The following ALX4 variants were observed in gnomAD, a reference collection of about 807,000 sequenced individuals.
ALX4 encodes the protein homeobox protein aristaless-like 4.
A neutral mutation model predicts 40.6 loss-of-function variants in ALX4; 22 were observed. That is an observed-to-expected ratio of 0.54 (90% CI 0.39 to 0.77). ALX4 has a LOEUF of 0.77. Ranked by LOEUF, ALX4 falls within the 30% of genes least tolerant of loss-of-function variation. The pLI is 0.00. For synonymous variants in ALX4, 266 were observed against 240.5 expected (o/e 1.11, Z -0.98); for missense variants, 556 against 564.8 (o/e 0.98, Z 0.16).
At position 44,278,055 on chromosome 11, in the gene ALX4, A is replaced by G. The variant is rs1956287992; in HGVS notation, c.467-2397T>C. Among the ~76,000 whole-genome samples the G allele has an allele frequency of 2.6e-5, 4 of 151,562 alleles. No homozygotes were observed. The South Asian group carries it at 8.4e-4, about 32-fold the overall frequency. ...AGAAACCCCACCCAGCCTCACAAAA[A>G]TAACCATCCCTGTTTTGCAACTTCC... On this transcript the variant is annotated intron_variant, in intron 1 of 3. Coordinates refer to ENST00000652299, the MANE Select transcript of ALX4 (RefSeq NM_021926.4).
chr11:44,277,819 T>G (rs1223315828), intron 1 of ALX4, among the ~76,000 whole-genome samples: 1 of 152,188 alleles, frequency 6.6e-6, no homozygotes, highest in Non-Finnish European at 1.5e-5. Flanking sequence ...TGAGGGCCAC[T>G]GGCAGTGCAG....
intron 1 of ALX4, among the ~76,000 whole-genome samples, chr11:44,294,463 T>C (rs1956391421): frequency 6.6e-6 from 1 of 152,230 alleles, no homozygotes; most frequent in African/African-American, 2.4e-5. Context: ...GGGAGAGAGT[T>C]ATTCCCCAGC....
At chr11:44,266,370 G>C (rs1274443260) in intron 3 of ALX4, among the ~76,000 whole-genome samples, 4 of 152,156 alleles carry the variant, frequency 2.6e-5, no homozygotes, top group Admixed American at 1.3e-4. Context: ...GGGAGGGAGA[G>C]GGGAGAAAGA....
At chr11:44,277,519 A>G (rs1956284743) in intron 1 of ALX4, among the ~76,000 whole-genome samples, 1 of 152,194 alleles carries the variant, frequency 6.6e-6, no homozygotes, top group South Asian at 2.1e-4. Flanking sequence ...CACGTGTGGT[A>G]GGTGTGAGCA....
intron 1 of ALX4, among the ~76,000 whole-genome samples, chr11:44,308,899 C>T (rs575794946): frequency 6.6e-6 from 1 of 152,386 alleles, no homozygotes; most frequent in Admixed American, 6.5e-5. Flanking sequence ...GGGAACTGGC[C>T]TGCCCGCATC....
chr11:44,297,864 T>C (rs558968950), intron 1 of ALX4, among the ~76,000 whole-genome samples: 47 of 152,338 alleles, frequency 3.1e-4, no homozygotes, highest in African/African-American at 1.1e-3. Context: ...ACTTAGTTTG[T>C]GCTGTTTCCT....
At chr11:44,304,959 G>C (rs1275014628) in intron 1 of ALX4, among the ~76,000 whole-genome samples, 1 of 152,216 alleles carries the variant, frequency 6.6e-6, no homozygotes, top group Non-Finnish European at 1.5e-5. Flanking sequence ...CATTAGAATC[G>C]GGACCGCGCA....
At chr11:44,291,806 T>C (rs910490115) in intron 1 of ALX4, among the ~76,000 whole-genome samples, 1 of 152,200 alleles carries the variant, frequency 6.6e-6, no homozygotes, top group Non-Finnish European at 1.5e-5. Flanking sequence ...ATGTGCTCCT[T>C]CTTTAATTTT....
intron 2 of ALX4, 78 bp from the exon 3 acceptor site, chr11:44,267,700 T>G: frequency 6.3e-7 from 1 of 1,598,074 alleles, no homozygotes. Flanking sequence ...GTGCAAACTG[T>G]TCCCTTGAGC....
intron 1 of ALX4, among the ~76,000 whole-genome samples, chr11:44,304,858 G>A (rs760924815): frequency 9.2e-5 from 14 of 152,172 alleles, no homozygotes; most frequent in Non-Finnish European, 1.9e-4. Context: ...ACTGCGTGCC[G>A]GCGTCGCAGC....
In ALX4 at chr11:44,309,991, C is replaced by T. The variant is rs984594878; in HGVS notation, c.72G>A (p.Val24=). ...GCGACGAGCCCTCCCGACTCTGCGACACCGGGCTGTAGTAGGCGTCCATGG... is the reference window on the plus strand; with the variant it reads ...GCGACGAGCCCTCCCGACTCTGCGATACCGGGCTGTAGTAGGCGTCCATGG... ...AAAMDAYYSP[V]SQSREGSSPF... is the part of the protein sequence containing the mutation. The change falls in exon 1 of 4, where the codon GTG becomes GTA. Residue 24 remains valine (V), a synonymous_variant. Transcript: ENST00000652299. 6.2e-7 allele frequency: 1 copy of T among 1,602,072 alleles called. No homozygotes were observed. The highest frequency in any genetic ancestry group is 8.5e-7 in the Non-Finnish European group (1 of 1,174,608).
At chr11:44,298,722 GAGA>G (rs905961317) in intron 1 of ALX4, among the ~76,000 whole-genome samples, 2 of 151,982 alleles carry the variant, frequency 1.3e-5, no homozygotes, top group East Asian at 3.9e-4. Context: ...GCTAGAGTTG[GAGA>G]AGACCAAGAC....
At chr11:44,284,655 C>T (rs1956328182) in intron 1 of ALX4, among the ~76,000 whole-genome samples, 1 of 152,184 alleles carries the variant, frequency 6.6e-6, no homozygotes, top group South Asian at 2.1e-4. Context: ...TTCCATCTAG[C>T]TTGAGGTTCA....
chr11:44,294,196 C>T (rs968810737), intron 1 of ALX4, among the ~76,000 whole-genome samples: 1 of 152,234 alleles, frequency 6.6e-6, no homozygotes, highest in Admixed American at 6.5e-5. Context: ...ATTGAGGATA[C>T]TAATATCTCC....
intron 2 of ALX4, among the ~76,000 whole-genome samples, chr11:44,272,494 ACT>A (rs1171703020): frequency 8.5e-6 from 1 of 118,298 alleles, no homozygotes; most frequent in East Asian, 2.2e-4. Context: ...ACAGAACAAG[ACT>A]CTGTCTAAAA....
At chr11:44,294,139 T>C (rs1180323763) in intron 1 of ALX4, among the ~76,000 whole-genome samples, 1 of 152,310 alleles carries the variant, frequency 6.6e-6, no homozygotes, top group Non-Finnish European at 1.5e-5. Context: ...CTTCAGGAGA[T>C]CTGGGTTCAA....
intron 1 of ALX4, among the ~76,000 whole-genome samples, chr11:44,296,925 C>T (rs914517892): frequency 6.7e-6 from 1 of 150,194 alleles, no homozygotes; most frequent in Admixed American, 6.7e-5. Flanking sequence ...AAGAGAATCG[C>T]TTGAACCCGG....
intron 1 of ALX4, 97 bp downstream of exon 1, chr11:44,309,500 C>A (rs1956492544): frequency 2.0e-6 from 3 of 1,510,834 alleles, no homozygotes; most frequent in Non-Finnish European, 2.6e-6. Flanking sequence ...GCCCCCAGCC[C>A]GCCAACTCAT....
At chr11:44,283,795 C>T (rs1459093648) in intron 1 of ALX4, among the ~76,000 whole-genome samples, 1 of 152,128 alleles carries the variant, frequency 6.6e-6, no homozygotes, top group Non-Finnish European at 1.5e-5. Flanking sequence ...AACTCCTGGC[C>T]TCAAATGATC....
Sources: allele counts gnomAD v4.1 joint callset (sites outside exome capture counted in the v4.1 genomes callset), GRCh38; gene constraint gnomAD v4.1.1; transcripts MANE v1.5; gene names NCBI Gene and HGNC (gene_info 2026-07-23, HGNC 2026-07-21).